Variants in CFAP221 observed in about 807,000 individuals in gnomAD.
CFAP221 encodes cilia- and flagella-associated protein 221.
In CFAP221, 97 loss-of-function variants were observed where a neutral mutation model predicts 113.1. The ratio of observed to expected loss-of-function variants is 0.86; its 90% confidence interval spans 0.73 to 1.02. The LOEUF (loss-of-function observed/expected upper bound fraction) is 1.02. Among genes scored for constraint, CFAP221 ranks in the 50% least tolerant of loss-of-function variants. The pLI, the probability that CFAP221 is intolerant of heterozygous loss-of-function variation, is 0.00. For synonymous variants in CFAP221, 331 were observed against 354.4 expected, an observed-to-expected ratio of 0.93 and a Z score of 0.74; for missense variants, 1,025 against 1,013.4, an observed-to-expected ratio of 1.01 and a Z score of -0.16.
At chr2:119,551,488 TTCTAC>T (rs1680425285) in intron 3 of CFAP221, among the ~76,000 whole-genome samples, 2 of 152,242 alleles carry the variant, frequency 1.3e-5, no homozygotes, top group Admixed American at 1.3e-4. Flanking sequence ...CTTTTGCATG[TTCTAC>T]CATCATTTGT....
intron 6 of CFAP221, among the ~76,000 whole-genome samples, chr2:119,571,346 G>A (rs1682040360): frequency 6.6e-6 from 1 of 151,824 alleles, no homozygotes; most frequent in African/African-American, 2.4e-5. Context: ...CGCCCTGTTG[G>A]TCAGTCTGGT....
At chr2:119,582,511 A>G (rs906877587) in intron 6 of CFAP221, among the ~76,000 whole-genome samples, 6 of 148,742 alleles carry the variant, frequency 4.0e-5, no homozygotes, top group Non-Finnish European at 5.9e-5. Flanking sequence ...GCTGGAGTGC[A>G]GTGATGCGCT....
intron 19 of CFAP221, among the ~76,000 whole-genome samples, chr2:119,636,284 G>A (rs892670044): frequency 9.9e-5 from 15 of 152,078 alleles, no homozygotes; most frequent in Admixed American, 3.9e-4. Context: ...CTGTAGTTCC[G>A]GAAGGCAAAT....
chr2:119,601,077 G>T (rs1177975037), intron 7 of CFAP221, 141 bp from the exon 8 acceptor site: 2 of 846,768 alleles, frequency 2.4e-6, no homozygotes, highest in Admixed American at 3.5e-5. Context: ...AAAGTTATGT[G>T]TGGATTTTCA....
intron 3 of CFAP221, among the ~76,000 whole-genome samples, chr2:119,549,926 GT>G (rs988753827): frequency 6.6e-6 from 1 of 152,246 alleles, no homozygotes; most frequent in African/African-American, 2.4e-5. Flanking sequence ...TGACCTGGAT[GT>G]TGACTAGGGT....
chr2:119,564,603 TG>T (rs1183834546), intron 6 of CFAP221, among the ~76,000 whole-genome samples: 1 of 152,196 alleles, frequency 6.6e-6, no homozygotes, highest in Non-Finnish European at 1.5e-5. Flanking sequence ...TGCCAGTTTT[TG>T]ATCTTTACAT....
chr2:119,550,202 A>T (rs1046777678), intron 3 of CFAP221, among the ~76,000 whole-genome samples: 2 of 152,100 alleles, frequency 1.3e-5, no homozygotes, highest in African/African-American at 4.8e-5. Flanking sequence ...CCACAAGACT[A>T]CTTTTAGATG....
rs574565757 is a variant in CFAP221, at chr2:119,591,698, C to G, written c.631+4476C>G. On this transcript the variant is annotated intron_variant, in intron 7 of 23. Transcript: ENST00000413369. ...ATGAAACTCTTACCTCACACCTCTA[C>G]TGCCCATACAGAAGTGCTTGTTCCA... 3.3e-5 allele frequency among the ~76,000 whole-genome samples: 5 copies of G among 152,324 alleles called. No individual in the cohort carries two copies. The South Asian group carries it at 1.0e-3, about 32-fold the overall frequency.
chr2:119,655,356 A>C (rs1216901440), intron 23 of CFAP221, among the ~76,000 whole-genome samples: 1 of 152,188 alleles, frequency 6.6e-6, no homozygotes, highest in Non-Finnish European at 1.5e-5. Flanking sequence ...AGTATCTCTA[A>C]GGGGAGACAG....
At chr2:119,581,611 TAATA>T (rs1682850969) in intron 6 of CFAP221, among the ~76,000 whole-genome samples, 1 of 152,202 alleles carries the variant, frequency 6.6e-6, no homozygotes, top group Non-Finnish European at 1.5e-5. Context: ...TATATGTGTC[TAATA>T]AATTGGAGTT....
chr2:119,652,166 C>A, intron 23 of CFAP221, 97 bp downstream of exon 23: 1 of 874,014 alleles, frequency 1.1e-6, no homozygotes, highest in South Asian at 2.2e-5. Flanking sequence ...GTCTAAATAG[C>A]TCAGTCTTTG....
chr2:119,608,637 T>A (rs752071631), intron 12 of CFAP221, 48 bp downstream of exon 12: 38 of 1,505,980 alleles, frequency 2.5e-5, no homozygotes, highest in Middle Eastern at 1.7e-4. Flanking sequence ...TAGATGTTTT[T>A]AAATTCCTAC....
intron 6 of CFAP221, among the ~76,000 whole-genome samples, chr2:119,574,417 G>T (rs1233835727): frequency 6.6e-6 from 1 of 152,136 alleles, no homozygotes; most frequent in Admixed American, 6.5e-5. Flanking sequence ...ACTACTATTA[G>T]AAAAAGTGTT....
intron 12 of CFAP221, among the ~76,000 whole-genome samples, 182 bp downstream of exon 12, chr2:119,608,771 A>C (rs1487387826): frequency 1.3e-5 from 2 of 152,200 alleles, no homozygotes; most frequent in Non-Finnish European, 2.9e-5. Context: ...ACCTATACTA[A>C]GTTTTGTGGG....
At chr2:119,594,236 A>G (rs1038181678) in intron 7 of CFAP221, among the ~76,000 whole-genome samples, 6 of 151,306 alleles carry the variant, frequency 4.0e-5, no homozygotes, top group East Asian at 3.9e-4. Flanking sequence ...CCTCTTTTTC[A>G]TGTGTATTTT....
rs367655917 is a variant in CFAP221, at chr2:119,652,831, T to C, written c.2414+762T>C. Among the ~76,000 whole-genome samples, 67 of 151,410 alleles carry C rather than the reference T, an allele frequency of 4.4e-4. 1 individual carries two copies. The East Asian group carries it at 0.012, about 26-fold the overall frequency. ...TATTCTTTTTCTTTGAAAAATGCCT[T>C]TATATTATGTTAAAAATTAGAAAAT... On this transcript the variant is annotated intron_variant, in intron 23 of 23. Transcript: ENST00000413369.
At chr2:119,568,499 C>A (rs942853666) in intron 6 of CFAP221, among the ~76,000 whole-genome samples, 2 of 152,060 alleles carry the variant, frequency 1.3e-5, no homozygotes, top group African/African-American at 4.8e-5. Flanking sequence ...GTGCCCCCCA[C>A]CTCCCGACAG....
intron 13 of CFAP221, among the ~76,000 whole-genome samples, chr2:119,613,183 G>T (rs1685298698): frequency 6.6e-6 from 1 of 152,226 alleles, no homozygotes; most frequent in African/African-American, 2.4e-5. Flanking sequence ...GGCTTTGCAG[G>T]GTACAGCCTC....
At chr2:119,643,501 G>C (rs1266088472) in intron 21 of CFAP221, among the ~76,000 whole-genome samples, 1 of 152,188 alleles carries the variant, frequency 6.6e-6, no homozygotes, top group Non-Finnish European at 1.5e-5. Flanking sequence ...TTTGGGAACT[G>C]TCTTGGCATT....
Sources: gnomAD v4.1 joint callset for allele counts (sites outside exome capture counted in the v4.1 genomes callset) on GRCh38, gnomAD v4.1.1 for gene constraint, MANE v1.5 for transcripts, NCBI Gene and HGNC (gene_info 2026-07-23, HGNC 2026-07-21) for gene names.